Variants in NXN observed in about 807,000 individuals in gnomAD.
NXN encodes the protein nucleoredoxin 1.
NXN carries 16 observed loss-of-function variants against 48.6 expected under a neutral mutation model. The ratio of observed to expected loss-of-function variants is 0.33; its 90% CI spans 0.22 to 0.50. The LOEUF (loss-of-function observed/expected upper bound fraction) is 0.50, where lower values mean the gene tolerates loss of function less well. Ranked by LOEUF, NXN falls within the 20% of genes least tolerant of loss-of-function variation. The pLI, the probability that NXN is intolerant of heterozygous loss-of-function variation, is 0.98. For synonymous variants in NXN, 281 were observed against 269.6 expected (o/e 1.04, Z -0.41); for missense variants, 492 against 605.5 (o/e 0.81, Z 1.97).
chr17:838,045 A>T (rs972333089), intron 1 of NXN, among the ~76,000 whole-genome samples: 2 of 152,174 alleles, frequency 1.3e-5, no homozygotes, highest in African/African-American at 4.8e-5. Flanking sequence ...GCTGCATTAA[A>T]ATAAAAAGAC....
chr17:914,476 A>G (rs2068667194), intron 1 of NXN, among the ~76,000 whole-genome samples: 1 of 152,122 alleles, frequency 6.6e-6, no homozygotes, highest in African/African-American at 2.4e-5. Context: ...GGCCAGAAGG[A>G]AGATTCTTTT....
rs1417076725 is a variant in NXN at position 800,109 on chromosome 17, C to G, written c.*840G>C. The G allele has an allele frequency of 6.6e-6, 1 of 152,520 alleles. No individual in the cohort carries two copies. 9.4% of individuals were successfully genotyped at this position (152,520 alleles called of 1,614,324 possible). A position where few individuals can be genotyped will look rare whatever the true frequency, so the allele number is the denominator to read the frequency against. Reference sequence around the variant, plus strand: ...CCAGCCTGGGCGACAGAGCAAGACTCCATCTCAAAAAAAAGAAAATAAAAG... The same window carrying G: ...CCAGCCTGGGCGACAGAGCAAGACTGCATCTCAAAAAAAAGAAAATAAAAG... On this transcript the variant is annotated 3_prime_UTR_variant, in exon 8 of 8. Transcript: ENST00000336868.
At chr17:876,344 A>C (rs1028150167) in intron 1 of NXN, among the ~76,000 whole-genome samples, 1 of 152,226 alleles carries the variant, frequency 6.6e-6, no homozygotes, top group Non-Finnish European at 1.5e-5. Flanking sequence ...ACATGTTGTC[A>C]AAAAAGCTAT....
In NXN at chr17:871,747, T is replaced by C. The variant is rs114058246; in HGVS notation, c.361-45669A>G. 4.6e-3 allele frequency among the ~76,000 whole-genome samples: 700 copies of C among 152,300 alleles called. 3 individuals are homozygous for C. The highest frequency in any genetic ancestry group is 0.016 in the African/African-American group (660 of 41,548). On this transcript the variant is annotated intron_variant, in intron 1 of 7. Coordinates refer to ENST00000336868, the MANE Select transcript of NXN (RefSeq NM_022463.5). ...TTCCCTGAATGGAAAATGTTGATGT[T>C]ACACTAGCTAATTGGGAATGGCATG...
In NXN at chr17:978,890, G is replaced by A. The variant is rs2069495454; in HGVS notation, c.360+429C>T. Among the ~76,000 whole-genome samples, 1 of 151,294 alleles carries A rather than the reference G, an allele frequency of 6.6e-6. No homozygotes were observed. Among genetic ancestry groups the A allele is most frequent in the South Asian group, 2.1e-4 (1 of 4,810 alleles). On this transcript the variant is annotated intron_variant, in intron 1 of 7. Coordinates refer to ENST00000336868, the MANE Select transcript of NXN (RefSeq NM_022463.5). The surrounding 1 kb of genome is among the most constrained non-coding windows in gnomAD (Gnocchi z 4.1). ...GGAATCCGCGGGGGTCGGCGGCGGA[G>A]GCAGGAAGGGCCTGGCGCCTCTGCT...
chr17:869,079 A>G (rs1012330958), intron 1 of NXN, among the ~76,000 whole-genome samples: 6 of 152,088 alleles, frequency 3.9e-5, no homozygotes, highest in Non-Finnish European at 4.4e-5. Flanking sequence ...CTCCTGCCTT[A>G]TATTAAGTCC....
chr17:964,224 C>T (rs333631), intron 1 of NXN, among the ~76,000 whole-genome samples: 25,292 of 152,114 alleles, frequency 0.17, 5,265 homozygotes, highest in African/African-American at 0.48. Flanking sequence ...ATTTGTGCTG[C>T]ATGTACAGAG....
chr17:913,209 C>T (rs2068653900), intron 1 of NXN, among the ~76,000 whole-genome samples: 1 of 152,102 alleles, frequency 6.6e-6, no homozygotes, highest in African/African-American at 2.4e-5. Context: ...ACAGAAAATT[C>T]ATGAGTCACC....
At chr17:892,823 C>G (rs984559725) in intron 1 of NXN, among the ~76,000 whole-genome samples, 1 of 152,196 alleles carries the variant, frequency 6.6e-6, no homozygotes, top group African/African-American at 2.4e-5. Context: ...ATTATGCATT[C>G]GTCAGAACCA....
At chr17:856,630 A>G (rs1326391296) in intron 1 of NXN, among the ~76,000 whole-genome samples, 1 of 151,394 alleles carries the variant, frequency 6.6e-6, no homozygotes, top group East Asian at 2.0e-4. Context: ...AGCTGGGATT[A>G]CAGGCACCCA....
At chr17:923,469 G>C (rs2068768089) in intron 1 of NXN, among the ~76,000 whole-genome samples, 1 of 152,114 alleles carries the variant, frequency 6.6e-6, no homozygotes, top group Non-Finnish European at 1.5e-5. Flanking sequence ...AGTGAGCTGT[G>C]ATCACACCAC....
intron 7 of NXN, among the ~76,000 whole-genome samples, chr17:801,491 G>C (rs886528831): frequency 3.2e-5 from 4 of 124,648 alleles, no homozygotes; most frequent in Non-Finnish European, 6.3e-5. Flanking sequence ...TGTCACCCAG[G>C]CTGGAGTGCA....
chr17:887,406 A>C (rs1039197507), intron 1 of NXN, among the ~76,000 whole-genome samples: 4 of 152,002 alleles, frequency 2.6e-5, no homozygotes, highest in African/African-American at 4.8e-5. Context: ...AGCTCTTGTC[A>C]CCAACTTGGG....
At chr17:832,421 C>T (rs1357299124) in intron 1 of NXN, among the ~76,000 whole-genome samples, 5 of 151,644 alleles carry the variant, frequency 3.3e-5, no homozygotes, top group Admixed American at 1.3e-4. Flanking sequence ...CTCCTGACCT[C>T]GTGTCCGCCC....
At chr17:929,324 C>T (rs1163660583) in intron 1 of NXN, among the ~76,000 whole-genome samples, 1 of 152,240 alleles carries the variant, frequency 6.6e-6, no homozygotes, top group Non-Finnish European at 1.5e-5. Flanking sequence ...CAGGAAAACA[C>T]TGGTTCACGT....
intron 1 of NXN, among the ~76,000 whole-genome samples, chr17:885,672 CTTTTTTTTTTTTTT>C (rs532225883): frequency 1.7e-4 from 14 of 83,752 alleles, no homozygotes; most frequent in Middle Eastern, 7.2e-3. Flanking sequence ...GCGGTACTCG[CTTTTTTTTTTTTTT>C]TTTTTTTTTT....
chr17:969,354 C>T (rs2069344899), intron 1 of NXN, among the ~76,000 whole-genome samples: 1 of 152,160 alleles, frequency 6.6e-6, no homozygotes, highest in Non-Finnish European at 1.5e-5. Context: ...CCCGGGAAAC[C>T]TGGATCTGGA....
intron 1 of NXN, among the ~76,000 whole-genome samples, chr17:937,998 G>C (rs936529012): frequency 1.2e-4 from 18 of 152,226 alleles, no homozygotes; most frequent in African/African-American, 4.3e-4. Context: ...AACCCAGAAG[G>C]CTTCTGCTTT....
In NXN at chr17:949,641, T is replaced by G. The variant is rs71358518; in HGVS notation, c.360+29678A>C. 7.2e-3 allele frequency among the ~76,000 whole-genome samples: 31 copies of G among 4,310 alleles called. 7 individuals carry two copies. Among genetic ancestry groups the G allele is most frequent in the African/African-American group, 0.025 (23 of 912 alleles). The allele number at this position is 4,310 out of a possible 152,430, so 2.8% of individuals were successfully genotyped here. A position where few individuals can be genotyped will look rare whatever the true frequency, so the allele number is the denominator to read the frequency against. ...CCCCGCGGCCTCCTCCTCTCCCCCC[T>G]GCCTCCTCCTCTCCCCGTTGCCTCC... On this transcript the variant is annotated intron_variant, in intron 1 of 7. Coordinates refer to ENST00000336868, the MANE Select transcript of NXN (RefSeq NM_022463.5).
Sources: gnomAD v4.1 joint callset for allele counts (sites outside exome capture counted in the v4.1 genomes callset) on GRCh38, gnomAD v4.1.1 for gene constraint, Gnocchi (gnomAD v3.1) non-coding constraint, MANE v1.5 for transcripts, NCBI Gene and HGNC (gene_info 2026-07-23, HGNC 2026-07-21) for gene names.